Variants in PIEZO2 observed in about 807,000 individuals in gnomAD.
The protein encoded by PIEZO2 is piezo type mechanosensitive ion channel component 2.
Under a neutral mutation model 337.3 loss-of-function variants are expected in PIEZO2, and 172 were observed. That is an observed-to-expected ratio of 0.51 (90% CI 0.45 to 0.58). The LOEUF (loss-of-function observed/expected upper bound fraction) is 0.58, where lower values mean the gene tolerates loss of function less well. Ranked by LOEUF, PIEZO2 falls within the 20% of genes least tolerant of loss-of-function variation. PIEZO2 has a pLI of 0.00. For synonymous variants in PIEZO2, 1,251 were observed against 1,228.5 expected, an observed-to-expected ratio of 1.02 and a Z score of -0.38; for missense variants, 3,028 against 3,391.3, an observed-to-expected ratio of 0.89 and a Z score of 2.66.
In PIEZO2 at chr18:10,929,594, T is replaced by C. The variant is rs536018491; in HGVS notation, c.287-18366A>G. Among the ~76,000 whole-genome samples, 1 of 152,310 alleles carries C rather than the reference T, an allele frequency of 6.6e-6. No homozygotes were observed. Among genetic ancestry groups the C allele is most frequent in the South Asian group, 2.1e-4 (1 of 4,822 alleles). ...GGGGCTGAGAAGTTATTGGCAAGAC[T>C]GTGAGAGGAAAATGCCTCTACCAAC... On this transcript the variant is annotated intron_variant, in intron 3 of 55. Coordinates refer to ENST00000674853, the MANE Select transcript of PIEZO2 (RefSeq NM_001378183.1). This position sits in a 1 kb window ranked among gnomAD's most constrained non-coding sequence, Gnocchi z 5.6.
chr18:10,907,421 C>A (rs1296011569), intron 4 of PIEZO2, among the ~76,000 whole-genome samples: 2 of 148,122 alleles, frequency 1.4e-5, no homozygotes, highest in East Asian at 2.0e-4. Context: ...CCAGTCTGGG[C>A]AACAAGAGCA....
At chr18:10,764,250 A>G (rs954807440) in intron 21 of PIEZO2, among the ~76,000 whole-genome samples, 1 of 152,234 alleles carries the variant, frequency 6.6e-6, no homozygotes, top group African/African-American at 2.4e-5. Flanking sequence ...TAGAAATAAT[A>G]GCATGCTCTC....
At chr18:10,792,680 A>G (rs899961391) in intron 13 of PIEZO2, among the ~76,000 whole-genome samples, 1 of 152,200 alleles carries the variant, frequency 6.6e-6, no homozygotes, top group Non-Finnish European at 1.5e-5. Context: ...ATTAGTTAAT[A>G]GGCATTTGGA....
intron 2 of PIEZO2, among the ~76,000 whole-genome samples, chr18:11,014,926 C>T (rs28564299): frequency 0.18 from 23,206 of 130,842 alleles, 2,237 homozygotes; most frequent in African/African-American, 0.25. Context: ...GACAGCGATC[C>T]GGGGCCCCCC....
chr18:10,691,265 T>C lies in PIEZO2; in HGVS notation c.7309A>G (p.Thr2437Ala), dbSNP rs1301794320. ...YPTRVLGNFL[T>A]KSYNYVNLFL... ...AGGTTGACGTAATTGTAGCTCTTGG[T>C]GAGGAAGTTCCCCAGGACTCGCGTT... The change falls in exon 48 of 56, where the codon ACC (threonine) becomes GCC (alanine). Residue 2437 changes from threonine (T) to alanine (A), a missense_variant. Thr to Ala is a moderately conservative substitution (Grantham distance 58, BLOSUM62 0). Coordinates refer to ENST00000674853, the MANE Select transcript of PIEZO2 (RefSeq NM_001378183.1). The C allele has an allele frequency of 2.5e-6, 4 of 1,613,938 alleles. No individual in the cohort carries two copies. Among genetic ancestry groups the C allele is most frequent in the Non-Finnish European group, 3.4e-6 (4 of 1,180,018 alleles).
At position 11,003,066 on chromosome 18, in the gene PIEZO2, T is replaced by G. The variant is rs369746537; in HGVS notation, c.161-23406A>C. Among the ~76,000 whole-genome samples, 48 of 151,330 alleles carry G rather than the reference T, an allele frequency of 3.2e-4. 1 individual carries two copies. The highest frequency in any genetic ancestry group is 1.2e-3 in the African/African-American group (47 of 40,610). On this transcript the variant is annotated intron_variant, in intron 2 of 55. Transcript: ENST00000674853. The surrounding 1 kb of genome is among the most constrained non-coding windows in gnomAD (Gnocchi z 4.6). ...GACAGCCTTAAGCACAAGGAGATTC[T>G]AACCTGGGAGATGTCCAGTGACATG...
rs572597845 is a variant in PIEZO2 at position 10,863,779 on chromosome 18, A to G, written c.493-6568T>C. On this transcript the variant is annotated intron_variant, in intron 5 of 55. Transcript: ENST00000674853. The surrounding 1 kb of genome is among the most constrained non-coding windows in gnomAD (Gnocchi z 4.3). ...AGGGAAATGAACAATAATGGAGACT[A>G]GCCAAATACAATTGACTGTTTAAAG... Among the ~76,000 whole-genome samples, 1 of 151,698 alleles carries G rather than the reference A, an allele frequency of 6.6e-6. No homozygotes were observed. Among genetic ancestry groups the G allele is most frequent in the Non-Finnish European group, 1.5e-5 (1 of 68,032 alleles).
At chr18:10,818,777 C>T (rs1487173931) in intron 7 of PIEZO2, among the ~76,000 whole-genome samples, 2 of 152,130 alleles carry the variant, frequency 1.3e-5, no homozygotes, top group Non-Finnish European at 2.9e-5. Context: ...CACGGGTGTT[C>T]CCTACCATTT....
At chr18:10,804,485 T>C (rs1002929671) in intron 8 of PIEZO2, among the ~76,000 whole-genome samples, 1 of 152,042 alleles carries the variant, frequency 6.6e-6, no homozygotes, top group African/African-American at 2.4e-5. Context: ...CTAGGAAAGG[T>C]GATAGAGAGG....
intron 2 of PIEZO2, among the ~76,000 whole-genome samples, chr18:11,034,858 C>T (rs1440201499): frequency 6.6e-6 from 1 of 152,108 alleles, no homozygotes. Context: ...CAAAAACAAA[C>T]AAACAAACAA....
chr18:10,722,148 T>C (rs1386188099), intron 36 of PIEZO2, among the ~76,000 whole-genome samples: 1 of 41,862 alleles, frequency 2.4e-5, no homozygotes, highest in South Asian at 7.8e-4. Flanking sequence ...AGACTCCATC[T>C]CAAAAAAAAA....
rs974023308 is a variant in PIEZO2 at position 10,724,930 on chromosome 18, C to T, written c.5029+6477G>A. 2.6e-5 allele frequency: 42 copies of T among 1,603,696 alleles called. No individual in the cohort carries two copies. Among genetic ancestry groups the T allele is most frequent in the South Asian group, 6.6e-5 (6 of 90,338 alleles). On this transcript the variant is annotated intron_variant, in intron 36 of 55. Transcript: ENST00000674853. The surrounding 1 kb of genome is among the most constrained non-coding windows in gnomAD (Gnocchi z 5.8). ...CCTGGGACAGCCTCCACCTGGACGG[C>T]GATGGAACCCAGGTGGGCGCACCCT...
At chr18:10,864,330 G>T (rs1346943523) in intron 5 of PIEZO2, among the ~76,000 whole-genome samples, 2 of 152,064 alleles carry the variant, frequency 1.3e-5, no homozygotes, top group Admixed American at 6.5e-5. Flanking sequence ...ATCCACATGG[G>T]ACCCCAGTGG....
chr18:10,877,311 A>G lies in PIEZO2; in HGVS notation c.330-5896T>C, dbSNP rs1431247184. On this transcript the variant is annotated intron_variant, in intron 4 of 55. Coordinates refer to ENST00000674853, the MANE Select transcript of PIEZO2 (RefSeq NM_001378183.1). This position sits in a 1 kb window ranked among gnomAD's most constrained non-coding sequence, Gnocchi z 5.3. ...CACACCATTTCCCAAAAGCTGTTTC[A>G]TGAACACTAGCTCTTTAGAATGAAA... is the stretch of plus-strand genomic sequence containing the variant. Among the ~76,000 whole-genome samples the G allele has an allele frequency of 6.6e-6, 1 of 152,240 alleles. No individual in the cohort carries two copies. The highest frequency in any genetic ancestry group is 1.5e-5 in the Non-Finnish European group (1 of 68,032).
chr18:10,757,769 A>G (rs568839762), intron 27 of PIEZO2, among the ~76,000 whole-genome samples, 200 bp downstream of exon 27: 1 of 152,154 alleles, frequency 6.6e-6, no homozygotes, highest in East Asian at 1.9e-4. Context: ...GGCGGTTTAC[A>G]TTGACAAAAG....
chr18:10,826,341 C>G (rs997498392), intron 7 of PIEZO2, among the ~76,000 whole-genome samples: 3 of 152,190 alleles, frequency 2.0e-5, no homozygotes, highest in Non-Finnish European at 4.4e-5. Context: ...AATGATGACT[C>G]CAATTCCAAT....
chr18:10,946,306 TG>T (rs533877826), intron 3 of PIEZO2, among the ~76,000 whole-genome samples: 4 of 152,224 alleles, frequency 2.6e-5, no homozygotes, highest in African/African-American at 9.6e-5. Context: ...GAGAGGACAG[TG>T]GAGCAACATT....
chr18:10,838,223 C>T (rs1243202631), intron 7 of PIEZO2, among the ~76,000 whole-genome samples: 1 of 152,132 alleles, frequency 6.6e-6, no homozygotes, highest in African/African-American at 2.4e-5. Flanking sequence ...ATTCCTTTTC[C>T]CACCCTACCC....
chr18:10,791,129 G>A, intron 14 of PIEZO2, 72 bp downstream of exon 14: 1 of 1,381,816 alleles, frequency 7.2e-7, no homozygotes, highest in Non-Finnish European at 9.6e-7. Flanking sequence ...GCTGTCTGAT[G>A]TATTTTGGGG....
Sources: allele counts gnomAD v4.1 joint callset (sites outside exome capture counted in the v4.1 genomes callset), GRCh38; gene constraint gnomAD v4.1.1; non-coding constraint Gnocchi (gnomAD v3.1); transcripts MANE v1.5; gene names NCBI Gene and HGNC (gene_info 2026-07-23, HGNC 2026-07-21).